Variants in KLHL4 observed in about 807,000 individuals in gnomAD.
KLHL4 encodes the protein kelch-like protein 4.
A neutral mutation model predicts 45.8 loss-of-function variants in KLHL4; 17 were observed. That is an observed-to-expected ratio of 0.37 (90% CI 0.25 to 0.56). The LOEUF (loss-of-function observed/expected upper bound fraction) is 0.56. KLHL4 is among the 20% of genes least tolerant of loss of function. KLHL4 has a pLI of 0.79. For synonymous variants in KLHL4, 224 were observed against 189.9 expected (o/e 1.18, Z -1.47); for missense variants, 544 against 544.9 (o/e 1.00, Z 0.02).
At chrX:87,572,039 A>C in intron 1 of KLHL4, among the ~76,000 whole-genome samples, 1 of 96,201 alleles carries the variant, frequency 1.0e-5, no homozygotes. Context: ...TAACAAAAAT[A>C]AAAAATAACA....
At chrX:87,553,819 C>A (rs993067529) in intron 1 of KLHL4, among the ~76,000 whole-genome samples, 1 of 110,608 alleles carries the variant, frequency 9.0e-6, no homozygotes, top group Admixed American at 9.7e-5. Context: ...AATGGTAATG[C>A]CTAGGTTTTC....
rs185143521 is a variant in KLHL4, at chrX:87,547,201, C to T, written c.422+28886C>T. Among the ~76,000 whole-genome samples, 457 of 111,186 alleles carry T rather than the reference C, an allele frequency of 4.1e-3. 2 individuals carry two copies. Among genetic ancestry groups the T allele is most frequent in the Non-Finnish European group, 7.0e-3 (372 of 53,012 alleles). On this transcript the variant is annotated intron_variant, in intron 1 of 10. Coordinates refer to ENST00000373119, the MANE Select transcript of KLHL4 (RefSeq NM_019117.5). ...TTGATTTGTAATTCCCAGGTGTTGACGGAGGGACCTGGTGGGAGGCGATTT... is the reference window on the plus strand; with the variant it reads ...TTGATTTGTAATTCCCAGGTGTTGATGGAGGGACCTGGTGGGAGGCGATTT...
intron 1 of KLHL4, among the ~76,000 whole-genome samples, chrX:87,574,078 T>TTCC (rs1921016630): frequency 8.9e-6 from 1 of 111,898 alleles, no homozygotes; most frequent in African/African-American, 3.2e-5. Context: ...AATTATCACC[T>TTCC]TGGAGGGAAG....
intron 1 of KLHL4, among the ~76,000 whole-genome samples, chrX:87,545,478 G>A (rs1218210111): frequency 1.2e-4 from 12 of 103,627 alleles, no homozygotes. Context: ...TGTAAGACGT[G>A]CCTGCCTCCC....
intron 1 of KLHL4, among the ~76,000 whole-genome samples, chrX:87,597,710 C>T (rs1921882970): frequency 9.0e-6 from 1 of 111,522 alleles, no homozygotes; most frequent in Non-Finnish European, 1.9e-5. Context: ...AACATTGTTT[C>T]TTGGGAATCC....
At chrX:87,555,761 C>G (rs780929680) in intron 1 of KLHL4, among the ~76,000 whole-genome samples, 1 of 107,645 alleles carries the variant, frequency 9.3e-6, no homozygotes, top group South Asian at 4.3e-4. Flanking sequence ...CTTCTGCTAG[C>G]TTTTGAATGT....
chrX:87,663,658 T>G (rs1924271791), intron 9 of KLHL4, among the ~76,000 whole-genome samples: 1 of 112,577 alleles, frequency 8.9e-6, no homozygotes, highest in Non-Finnish European at 1.9e-5. Flanking sequence ...TTTTGAAGAT[T>G]TGGCTTAGCC....
chrX:87,597,746 G>A lies in KLHL4; in HGVS notation c.423-16131G>A, dbSNP rs374024673. ...AACTTTAAGACTGGCTATAGAAAGC[G>A]GTAGTCTGTGCACCTGTGTTGTTAT... On this transcript the variant is annotated intron_variant, in intron 1 of 10. Coordinates refer to ENST00000373119, the MANE Select transcript of KLHL4 (RefSeq NM_019117.5). Among the ~76,000 whole-genome samples, 15 of 111,384 alleles carry A rather than the reference G, an allele frequency of 1.3e-4. No individual in the cohort carries two copies. In the East Asian group the frequency reaches 3.4e-3, roughly 25 times the overall value.
Position 87,614,521 on chromosome X carries a change from A to C in KLHL4, c.678A>C (p.Glu226Asp), listed in dbSNP as rs765071386. The change falls in exon 3 of 11, where the codon GAA becomes GAC. Residue 226 changes from glutamate (E) to aspartate (D), a missense_variant. Glu to Asp is a conservative substitution (Grantham distance 45). Transcript: ENST00000373119. ...LEAKQEEVRM[E>D]GVDPNALNSL... ...CCAAACAAGAAGAGGTCAGGATGGA[A>C]GGAGTAGATCCAAATGCACTAAATT... 2 of 1,209,361 alleles carry C rather than the reference A, an allele frequency of 1.7e-6. No homozygotes were observed. Among genetic ancestry groups the C allele is most frequent in the East Asian group, 5.9e-5 (2 of 33,765 alleles).
chrX:87,538,472 T>C (rs1324385457), intron 1 of KLHL4, among the ~76,000 whole-genome samples: 1 of 111,740 alleles, frequency 8.9e-6, no homozygotes, highest in Admixed American at 9.6e-5. Context: ...TAATTTAGGG[T>C]ATCAGAAATA....
chrX:87,647,092 C>A (rs1266084390), intron 9 of KLHL4, among the ~76,000 whole-genome samples: 3 of 111,781 alleles, frequency 2.7e-5, no homozygotes. Flanking sequence ...ATAGACAACT[C>A]TCAAAAGAAG....
chrX:87,626,665 A>C (rs1385667443), intron 6 of KLHL4, among the ~76,000 whole-genome samples: 1 of 108,277 alleles, frequency 9.2e-6, no homozygotes, highest in African/African-American at 3.4e-5. Context: ...AAAAAAAAAA[A>C]CTCAGTATTT....
At chrX:87,627,104 C>T (rs1200715833) in intron 6 of KLHL4, among the ~76,000 whole-genome samples, 2 of 111,626 alleles carry the variant, frequency 1.8e-5, no homozygotes, top group African/African-American at 3.3e-5. Flanking sequence ...GGGGCTGGTG[C>T]CATCATGGCC....
intron 1 of KLHL4, among the ~76,000 whole-genome samples, chrX:87,584,723 G>GA (rs1158165756): frequency 2.7e-5 from 3 of 109,532 alleles, no homozygotes; most frequent in South Asian, 4.0e-4. Context: ...TCAGAAACCA[G>GA]AAAAAACCCT....
At chrX:87,571,143 A>G (rs1182831735) in intron 1 of KLHL4, among the ~76,000 whole-genome samples, 4 of 111,032 alleles carry the variant, frequency 3.6e-5, no homozygotes, top group Non-Finnish European at 7.6e-5. Flanking sequence ...GCTGTTTGCC[A>G]TATATTATAC....
chrX:87,551,784 C>A (rs1474128114), intron 1 of KLHL4, among the ~76,000 whole-genome samples: 1 of 111,283 alleles, frequency 9.0e-6, no homozygotes, highest in East Asian at 2.8e-4. Flanking sequence ...ACAAAGCAAA[C>A]AAAAACATAA....
chrX:87,599,976 A>G (rs1306774254), intron 1 of KLHL4, among the ~76,000 whole-genome samples: 1 of 112,385 alleles, frequency 8.9e-6, no homozygotes, highest in Non-Finnish European at 1.9e-5. Context: ...TGTATTTTCT[A>G]TTTTTCAAAT....
At chrX:87,576,177 ATGAGGTTGGTGATCATCCT>A (rs1220263964) in intron 1 of KLHL4, among the ~76,000 whole-genome samples, 14 of 111,627 alleles carry the variant, frequency 1.3e-4, no homozygotes, top group Non-Finnish European at 2.5e-4. Flanking sequence ...ATAATTTCTG[ATGAGGTTGGTGATCATCCT>A]TACTCTTTAC....
chrX:87,623,773 C>T (rs1462404055), intron 5 of KLHL4, among the ~76,000 whole-genome samples: 10 of 111,511 alleles, frequency 9.0e-5, no homozygotes, highest in Non-Finnish European at 1.3e-4. Flanking sequence ...TAAATATATA[C>T]GTAATTTTAG....
Sources: allele counts gnomAD v4.1 joint callset (sites outside exome capture counted in the v4.1 genomes callset), GRCh38; gene constraint gnomAD v4.1.1; transcripts MANE v1.5; gene names NCBI Gene and HGNC (gene_info 2026-07-23, HGNC 2026-07-21).